Variants in TRABD2B observed in about 807,000 individuals in gnomAD.
TRABD2B encodes TraB domain containing 2B.
Under a neutral mutation model 40.1 loss-of-function variants are expected in TRABD2B, and 14 were observed. The ratio of observed to expected loss-of-function variants is 0.35; its 90% CI spans 0.23 to 0.55. The LOEUF (loss-of-function observed/expected upper bound fraction) is 0.55, where lower values mean the gene tolerates loss of function less well. Among genes scored for constraint, TRABD2B ranks in the 20% least tolerant of loss-of-function variants. The probability of loss-of-function intolerance (pLI) is 0.90; values close to 1 mark genes in which losing one functional copy is unlikely to be tolerated. For missense variants in TRABD2B, 541 were observed against 648.6 expected (o/e 0.83, Z 1.80); for synonymous variants, 263 against 277.0 (o/e 0.95, Z 0.50).
intron 2 of TRABD2B, among the ~76,000 whole-genome samples, chr1:47,871,667 C>T (rs1282768141): frequency 6.6e-6 from 1 of 152,224 alleles, no homozygotes; most frequent in East Asian, 1.9e-4. Flanking sequence ...GCCCACTTCA[C>T]AGGTAGGGAA....
chr1:47,953,321 C>A (rs552084558), intron 2 of TRABD2B, among the ~76,000 whole-genome samples: 11 of 152,330 alleles, frequency 7.2e-5, no homozygotes, highest in South Asian at 2.1e-4. Context: ...AGCCTAATTT[C>A]TTCCTTAGAG....
intron 6 of TRABD2B, among the ~76,000 whole-genome samples, chr1:47,772,127 C>T (rs955590501): frequency 1.3e-5 from 2 of 151,922 alleles, no homozygotes; most frequent in Non-Finnish European, 1.5e-5. Flanking sequence ...GTGATGACAG[C>T]GACCCTTAGG....
rs116018499 is a variant in TRABD2B at position 47,791,694 on chromosome 1, G to A, written c.988+2892C>T. 4.8e-3 allele frequency among the ~76,000 whole-genome samples: 731 copies of A among 152,260 alleles called. 5 individuals are homozygous for A. Among genetic ancestry groups the A allele is most frequent in the African/African-American group, 0.017 (701 of 41,548 alleles). On this transcript the variant is annotated intron_variant, in intron 4 of 6. Transcript: ENST00000606738. ...AGAGTGCTTAGTCCCAGCTCTGCAC[G>A]TAAGTCAGCCTGTCACCAGATGTGG...
rs561564997 is a variant in TRABD2B, at chr1:47,782,285, A to G, written c.989-3741T>C. ...CCTCATCTTCATACGATCAGTTCCCAGAGGCCCCCTGCTGTGACCTCCTAA... is the reference window on the plus strand; with the variant it reads ...CCTCATCTTCATACGATCAGTTCCCGGAGGCCCCCTGCTGTGACCTCCTAA... On this transcript the variant is annotated intron_variant, in intron 4 of 6. Coordinates refer to ENST00000606738, the MANE Select transcript of TRABD2B (RefSeq NM_001194986.2). Among the ~76,000 whole-genome samples the G allele has an allele frequency of 2.6e-5, 4 of 152,278 alleles. No individual in the cohort carries two copies. In the South Asian group the frequency reaches 8.3e-4, roughly 32 times the overall value.
intron 2 of TRABD2B, among the ~76,000 whole-genome samples, chr1:47,912,255 T>G (rs1395592580): frequency 2.0e-5 from 3 of 152,252 alleles, no homozygotes; most frequent in Non-Finnish European, 4.4e-5. Flanking sequence ...TTATTGCAAT[T>G]GAAGTAATTT....
chr1:47,970,862 C>G (rs1645672107), intron 2 of TRABD2B, among the ~76,000 whole-genome samples: 1 of 152,294 alleles, frequency 6.6e-6, no homozygotes, highest in Non-Finnish European at 1.5e-5. Context: ...GCAAGCACAT[C>G]TAAGGCTCTG....
intron 2 of TRABD2B, among the ~76,000 whole-genome samples, chr1:47,826,583 G>GT (rs113090968): frequency 4.6e-5 from 7 of 151,612 alleles, no homozygotes; most frequent in South Asian, 4.2e-4. Context: ...GTGGTGGTTT[G>GT]TTTTTTTTGA....
chr1:47,996,097 C>A lies in TRABD2B; in HGVS notation c.102+591G>T, dbSNP rs1204947904. Among the ~76,000 whole-genome samples the A allele has an allele frequency of 6.6e-6, 1 of 152,190 alleles. No homozygotes were observed. The highest frequency in any genetic ancestry group is 1.5e-5 in the Non-Finnish European group (1 of 68,028). On this transcript the variant is annotated intron_variant, in intron 1 of 6. Transcript: ENST00000606738. This position sits in a 1 kb window ranked among gnomAD's most constrained non-coding sequence, Gnocchi z 4.6. ...CAGTATGTCCTGGCATTGCCTTTTCCTCTCCTCTGAAATCTTCCCTCTTTT... is the reference window on the plus strand; with the variant it reads ...CAGTATGTCCTGGCATTGCCTTTTCATCTCCTCTGAAATCTTCCCTCTTTT...
intron 2 of TRABD2B, among the ~76,000 whole-genome samples, chr1:47,933,988 G>A (rs72898172): frequency 0.021 from 3,237 of 152,306 alleles, 54 homozygotes; most frequent in South Asian, 0.063. Context: ...AGTCACAGAT[G>A]GCTAAGGGTT....
At chr1:47,834,569 A>ACACACG (rs1645293090) in intron 2 of TRABD2B, among the ~76,000 whole-genome samples, 1 of 128,194 alleles carries the variant, frequency 7.8e-6, no homozygotes, top group African/African-American at 3.0e-5. Context: ...TCCAACACAC[A>ACACACG]CACACACGCG....
Position 47,765,303 on chromosome 1 carries a change from G to GTATGCAGCA in TRABD2B, c.*598_*599insTGCTGCATA. 1.3e-5 allele frequency: 2 copies of GTATGCAGCA among 152,968 alleles called. 1 individual carries two copies. Among genetic ancestry groups the GTATGCAGCA allele is most frequent in the Non-Finnish European group, 2.9e-5 (2 of 68,526 alleles). 9.5% of individuals were successfully genotyped at this position (152,968 alleles called of 1,614,324 possible). On this transcript the variant is annotated 3_prime_UTR_variant, in exon 7 of 7. Coordinates refer to ENST00000606738, the MANE Select transcript of TRABD2B (RefSeq NM_001194986.2). The stretch of plus-strand genomic sequence containing the variant: ...GAAAACACTTACCAAGAGCTCTGGA[G>GTATGCAGCA]GGCCAGATAGACACTCAGGGGTTTC...
chr1:47,858,960 A>C (rs1228917562), intron 2 of TRABD2B, among the ~76,000 whole-genome samples: 9 of 152,136 alleles, frequency 5.9e-5, no homozygotes. Flanking sequence ...TCTGCTCCTT[A>C]AATCAAATCC....
At chr1:47,828,508 G>A (rs1645207060) in intron 2 of TRABD2B, among the ~76,000 whole-genome samples, 2 of 152,190 alleles carry the variant, frequency 1.3e-5, no homozygotes, top group Non-Finnish European at 1.5e-5. Flanking sequence ...CAGCCTTTGA[G>A]GAACATATGA....
rs72892380 is a variant in TRABD2B, at chr1:47,809,035, C to T, written c.667-7416G>A. Among the ~76,000 whole-genome samples the T allele has an allele frequency of 7.5e-3, 1,144 of 152,228 alleles. 9 individuals carry two copies. The highest frequency in any genetic ancestry group is 0.026 in the African/African-American group (1,089 of 41,504). The stretch of plus-strand genomic sequence containing the variant: ...AGTCTGCTTTCACTGCCCAGGCTGA[C>T]GAAACCTTGCTCCCTGCCCAGGATC... On this transcript the variant is annotated intron_variant, in intron 2 of 6. Coordinates refer to ENST00000606738, the MANE Select transcript of TRABD2B (RefSeq NM_001194986.2).
At chr1:47,884,854 G>C (rs1644350879) in intron 2 of TRABD2B, among the ~76,000 whole-genome samples, 1 of 152,082 alleles carries the variant, frequency 6.6e-6, no homozygotes. Flanking sequence ...GACCTCAGGT[G>C]ATCCACCCAC....
intron 6 of TRABD2B, among the ~76,000 whole-genome samples, chr1:47,768,260 G>C (rs1352588525): frequency 6.6e-6 from 1 of 152,166 alleles, no homozygotes; most frequent in African/African-American, 2.4e-5. Context: ...AGGAGGGGAG[G>C]GAGCAAACTC....
chr1:47,836,238 T>C (rs1296683469), intron 2 of TRABD2B, among the ~76,000 whole-genome samples: 1 of 152,222 alleles, frequency 6.6e-6, no homozygotes, highest in African/African-American at 2.4e-5. Flanking sequence ...TGAATCTTAG[T>C]TTCCTTATCT....
At chr1:47,773,565 G>T (rs1303585884) in intron 6 of TRABD2B, among the ~76,000 whole-genome samples, 4 of 152,228 alleles carry the variant, frequency 2.6e-5, no homozygotes, top group Non-Finnish European at 5.9e-5. Flanking sequence ...AGATCTGAAG[G>T]TTTTATAACC....
At chr1:47,949,401 C>CTTTTT (rs35027686) in intron 2 of TRABD2B, among the ~76,000 whole-genome samples, 1,685 of 80,166 alleles carry the variant, frequency 0.021, 5 homozygotes, top group Non-Finnish European at 0.029. Context: ...TCTTTTCTTT[C>CTTTTT]TTTTTTTTTT....
Sources: allele counts gnomAD v4.1 joint callset (sites outside exome capture counted in the v4.1 genomes callset), GRCh38; gene constraint gnomAD v4.1.1; non-coding constraint Gnocchi (gnomAD v3.1); transcripts MANE v1.5; gene names NCBI Gene and HGNC (gene_info 2026-07-23, HGNC 2026-07-21).